Variants in AUH observed in about 807,000 individuals in gnomAD.
AUH encodes methylglutaconyl-CoA hydratase, mitochondrial.
Under a neutral mutation model 42.3 loss-of-function variants are expected in AUH, and 29 were observed. The observed-to-expected ratio is 0.69, with a 90% confidence interval of 0.51 to 0.93. AUH has a LOEUF of 0.93. Among genes scored for constraint, AUH ranks in the 40% least tolerant of loss-of-function variants. The pLI, the probability that AUH is intolerant of heterozygous loss-of-function variation, is 0.00. For synonymous variants in AUH, 174 were observed against 166.4 expected, an observed-to-expected ratio of 1.05 and a Z score of -0.35; for missense variants, 452 against 438.1, an observed-to-expected ratio of 1.03 and a Z score of -0.28.
intron 6 of AUH, among the ~76,000 whole-genome samples, 157 bp from the exon 7 acceptor site, chr9:91,221,149 C>A (rs1187092490): frequency 6.6e-6 from 1 of 152,218 alleles, no homozygotes; most frequent in Non-Finnish European, 1.5e-5. Context: ...AATCTAATTT[C>A]TTAATTCCCC....
intron 3 of AUH, among the ~76,000 whole-genome samples, chr9:91,328,273 C>G (rs1830096383): frequency 6.6e-6 from 1 of 152,140 alleles, no homozygotes. Context: ...TATAGCAATG[C>G]TGTAATACTG....
chr9:91,228,841 A>G (rs1483178522), intron 6 of AUH, among the ~76,000 whole-genome samples: 1 of 152,202 alleles, frequency 6.6e-6, no homozygotes, highest in East Asian at 1.9e-4. Flanking sequence ...CAGGTTGTTC[A>G]GTTTCCATGT....
chr9:91,327,133 T>C (rs1312722012), intron 3 of AUH, among the ~76,000 whole-genome samples: 1 of 152,120 alleles, frequency 6.6e-6, no homozygotes. Flanking sequence ...ATTCTACCAG[T>C]ACTTACCACC....
At chr9:91,262,793 G>C (rs1587718394) in intron 6 of AUH, among the ~76,000 whole-genome samples, 1 of 152,234 alleles carries the variant, frequency 6.6e-6, no homozygotes, top group East Asian at 1.9e-4. Context: ...GCAAACTATG[G>C]TCAGTGAACC....
intron 6 of AUH, among the ~76,000 whole-genome samples, chr9:91,245,892 T>C (rs992026241): frequency 3.9e-5 from 6 of 152,122 alleles, no homozygotes; most frequent in Non-Finnish European, 8.8e-5. Context: ...ACTGTGCCCA[T>C]CCTTCTTGTC....
At chr9:91,298,164 G>T in intron 4 of AUH, 88 bp from the exon 5 acceptor site, 2 of 1,004,796 alleles carry the variant, frequency 2.0e-6, no homozygotes, top group Admixed American at 1.9e-5. Context: ...GTGAATTTAT[G>T]CTTTAAATGG....
At chr9:91,326,758 T>G (rs1829991588) in intron 3 of AUH, among the ~76,000 whole-genome samples, 1 of 152,118 alleles carries the variant, frequency 6.6e-6, no homozygotes, top group African/African-American at 2.4e-5. Context: ...GGTTGGGTGG[T>G]GGGTGCTAAA....
chr9:91,308,387 C>G (rs1828398555), intron 4 of AUH, among the ~76,000 whole-genome samples: 1 of 152,068 alleles, frequency 6.6e-6, no homozygotes, highest in South Asian at 2.1e-4. Context: ...ACATACTGAA[C>G]TATGATTCAA....
At chr9:91,294,703 G>A (rs1315947102) in intron 6 of AUH, 1 of 455,992 alleles carries the variant, frequency 2.2e-6, no homozygotes, top group Admixed American at 2.3e-5. Flanking sequence ...CATGGGAAGA[G>A]GCCAGAATAT....
intron 6 of AUH, among the ~76,000 whole-genome samples, chr9:91,238,434 G>A (rs1828312615): frequency 1.3e-5 from 2 of 152,310 alleles, no homozygotes; most frequent in South Asian, 4.1e-4. Context: ...TGTAGCTGGA[G>A]GAGGCTGGGA....
chr9:91,217,023 T>A (rs542727272), intron 8 of AUH, among the ~76,000 whole-genome samples: 8 of 152,356 alleles, frequency 5.3e-5, no homozygotes, highest in African/African-American at 1.9e-4. Flanking sequence ...ATGGCAAGAA[T>A]AATGAGCATG....
At chr9:91,302,404 A>C (rs1827857469) in intron 4 of AUH, among the ~76,000 whole-genome samples, 1 of 152,182 alleles carries the variant, frequency 6.6e-6, no homozygotes, top group South Asian at 2.1e-4. Context: ...AGCCTGACCA[A>C]CATAGAGAAA....
chr9:91,267,912 C>T (rs1346812714), intron 6 of AUH, among the ~76,000 whole-genome samples: 1 of 152,084 alleles, frequency 6.6e-6, no homozygotes, highest in Non-Finnish European at 1.5e-5. Context: ...TGGTTCCAGC[C>T]CCTCCACCCA....
At chr9:91,245,202 G>A (rs545751251) in intron 6 of AUH, among the ~76,000 whole-genome samples, 2 of 152,168 alleles carry the variant, frequency 1.3e-5, no homozygotes, top group African/African-American at 4.8e-5. Context: ...GGCCCAGCAG[G>A]TGGGAACTGG....
chr9:91,336,802 G>T (rs1830728611), intron 3 of AUH, among the ~76,000 whole-genome samples: 1 of 152,078 alleles, frequency 6.6e-6, no homozygotes, highest in African/African-American at 2.4e-5. Context: ...CACTACTTCT[G>T]GTTCTTCTTG....
intron 6 of AUH, among the ~76,000 whole-genome samples, chr9:91,282,714 G>T (rs1239984331): frequency 6.6e-6 from 1 of 152,144 alleles, no homozygotes; most frequent in African/African-American, 2.4e-5. Context: ...AAATCTAGAA[G>T]AAATGGATAA....
At chr9:91,355,781 G>A (rs1227181826) in intron 3 of AUH, 102 bp downstream of exon 3, 4 of 998,504 alleles carry the variant, frequency 4.0e-6, no homozygotes, top group Middle Eastern at 2.2e-4. Context: ...AGGAGTTGTT[G>A]GTAATGGGGT....
intron 6 of AUH, among the ~76,000 whole-genome samples, chr9:91,285,735 T>A (rs1826351377): frequency 6.6e-6 from 1 of 152,128 alleles, no homozygotes; most frequent in Non-Finnish European, 1.5e-5. Context: ...CAAACCACCC[T>A]AATTACACAA....
intron 6 of AUH, among the ~76,000 whole-genome samples, chr9:91,222,953 G>A (rs1375821016): frequency 1.3e-5 from 2 of 152,084 alleles, no homozygotes; most frequent in African/African-American, 4.8e-5. Context: ...TCATCATATT[G>A]TTCCACTTAT....
Sources: allele counts gnomAD v4.1 joint callset (sites outside exome capture counted in the v4.1 genomes callset), GRCh38; gene constraint gnomAD v4.1.1; transcripts MANE v1.5; gene names NCBI Gene and HGNC (gene_info 2026-07-23, HGNC 2026-07-21).